Variants in IFT122 observed in about 807,000 individuals in gnomAD.
IFT122 encodes the protein intraflagellar transport 122.
A neutral mutation model predicts 161.6 loss-of-function variants in IFT122; 118 were observed. The observed-to-expected ratio is 0.73, with a 90% CI of 0.63 to 0.85. IFT122 has a LOEUF of 0.85. Ranked by LOEUF, IFT122 falls within the 40% of genes least tolerant of loss-of-function variation. The pLI is 0.00. For synonymous variants in IFT122, 550 were observed against 602.4 expected (o/e 0.91, Z 1.27); for missense variants, 1,381 against 1,579.6 (o/e 0.87, Z 2.13).
chr3:129,483,702 C>G lies in IFT122; in HGVS notation c.1851+20C>G, dbSNP rs959419287. ...CCGCAGGTAACTGGGGGTGCCTGTC[C>G]ACTCTTAGCACTGGCAAGGCTGACA... On this transcript the variant is annotated intron_variant, in intron 15 of 29. Coordinates refer to ENST00000348417, the MANE Select transcript of IFT122 (RefSeq NM_052989.3). The G allele has an allele frequency of 6.4e-7, 1 of 1,566,182 alleles. No homozygotes were observed. Among genetic ancestry groups the G allele is most frequent in the Non-Finnish European group, 8.7e-7 (1 of 1,154,500 alleles).
intron 1 of IFT122, among the ~76,000 whole-genome samples, chr3:129,448,905 G>T (rs1054051840): frequency 1.3e-5 from 2 of 151,986 alleles, no homozygotes; most frequent in African/African-American, 4.8e-5. Context: ...CACTATGTTG[G>T]CCAGGCTGGT....
intron 9 of IFT122, among the ~76,000 whole-genome samples, chr3:129,472,028 A>C (rs2077415590): frequency 6.7e-6 from 1 of 149,228 alleles, no homozygotes; most frequent in Non-Finnish European, 1.5e-5. Flanking sequence ...CCAAAGGCAC[A>C]CATTTAGTCT....
In IFT122 at chr3:129,451,961, CAA is replaced by C. The variant is rs770453499; in HGVS notation, c.158_159del (p.Lys53ArgfsTer21). 6.2e-7 allele frequency: 1 copy of C among 1,614,044 alleles called. No homozygotes were observed. The highest frequency in any genetic ancestry group is 1.3e-5 in the African/African-American group (1 of 75,030). Reference sequence around the variant, plus strand: ...CCTTACTTCAGCCCCTCAAGGGACACAAAGACACTGTGTACTGTGTGGCATAT... The same window carrying C: ...CCTTACTTCAGCCCCTCAAGGGACACAGACACTGTGTACTGTGTGGCATAT... ...GTLLQPLKGH[K>X]DTVYCVAYAK... is the part of the protein sequence containing the mutation. On this transcript the variant is annotated frameshift_variant, in exon 3 of 30. Coordinates refer to ENST00000348417, the MANE Select transcript of IFT122 (RefSeq NM_052989.3). LOFTEE classifies it high-confidence loss of function.
intron 16 of IFT122, 76 bp from the exon 17 acceptor site, chr3:129,492,065 C>A: frequency 3.6e-6 from 4 of 1,099,712 alleles, no homozygotes; most frequent in Non-Finnish European, 4.2e-6. Flanking sequence ...TAGAGCTTGA[C>A]TTCCCACCCC....
At position 129,517,600 on chromosome 3, in the gene IFT122, C is replaced by T. The variant is rs2084139065; in HGVS notation, c.3391+6C>T. On this transcript the variant is annotated splice_donor_region_variant and intron_variant, in intron 27 of 29. Transcript: ENST00000348417. ...GCTAGAGATTGCAAACAACAGTATC[C>T]ATGCCCTTGGCCAGAGCCTGTGTGT... is the stretch of plus-strand genomic sequence containing the variant. The T allele has an allele frequency of 6.2e-7, 1 of 1,612,564 alleles. No individual in the cohort carries two copies. Among genetic ancestry groups the T allele is most frequent in the Non-Finnish European group, 8.5e-7 (1 of 1,179,032 alleles).
intron 17 of IFT122, among the ~76,000 whole-genome samples, chr3:129,494,430 G>A (rs376558651): frequency 1.8e-4 from 28 of 152,230 alleles, no homozygotes; most frequent in East Asian, 1.4e-3. Flanking sequence ...TGAGCTGTGT[G>A]CAGGTTTTTA....
intron 6 of IFT122, among the ~76,000 whole-genome samples, chr3:129,463,984 T>A (rs2076447248): frequency 6.6e-6 from 1 of 152,216 alleles, no homozygotes; most frequent in South Asian, 2.1e-4. Flanking sequence ...GAATCCAGAA[T>A]CTCTCATTGA....
At position 129,475,343 on chromosome 3, in the gene IFT122, C is replaced by T. The variant is rs574428818; in HGVS notation, c.817-972C>T. ...GTAGCAGTTCCTAAAAAAGGTTCAA[C>T]GTAGAGTTTAAAAATAAAAAAATAT... On this transcript the variant is annotated intron_variant, in intron 9 of 29. Coordinates refer to ENST00000348417, the MANE Select transcript of IFT122 (RefSeq NM_052989.3). 2.0e-5 allele frequency among the ~76,000 whole-genome samples: 3 copies of T among 152,182 alleles called. No homozygotes were observed. In the East Asian group the frequency reaches 5.8e-4, roughly 29 times the overall value.
At chr3:129,466,246 G>A (rs2076759431) in intron 7 of IFT122, among the ~76,000 whole-genome samples, 1 of 152,124 alleles carries the variant, frequency 6.6e-6, no homozygotes, top group African/African-American at 2.4e-5. Context: ...TGATTTAGAA[G>A]GTTGTTTGGA....
At chr3:129,489,110 C>T (rs1190384248) in intron 16 of IFT122, among the ~76,000 whole-genome samples, 1 of 152,174 alleles carries the variant, frequency 6.6e-6, no homozygotes. Flanking sequence ...CCCTCTTTAT[C>T]TCCCCACAGT....
intron 1 of IFT122, among the ~76,000 whole-genome samples, chr3:129,448,979 A>G (rs1411691017): frequency 6.6e-6 from 1 of 152,204 alleles, no homozygotes; most frequent in Non-Finnish European, 1.5e-5. Flanking sequence ...GATTACAGGC[A>G]TGAGCCGCTG....
At chr3:129,507,813 G>A in intron 23 of IFT122, 51 bp downstream of exon 23, 1 of 1,363,790 alleles carries the variant, frequency 7.3e-7, no homozygotes, top group Non-Finnish European at 1.0e-6. Context: ...CTGAGCTAGG[G>A]GTCCCGGGCA....
intron 11 of IFT122, 37 bp from the exon 12 acceptor site, chr3:129,477,979 A>G: frequency 6.4e-7 from 1 of 1,568,220 alleles, no homozygotes. Flanking sequence ...TTACATAACA[A>G]CCTCTTGCTA....
At chr3:129,504,751 C>T (rs1215051122) in intron 21 of IFT122, among the ~76,000 whole-genome samples, 1 of 152,194 alleles carries the variant, frequency 6.6e-6, no homozygotes, top group Non-Finnish European at 1.5e-5. Context: ...GTATAGCTAC[C>T]ATCATTATGA....
intron 2 of IFT122, among the ~76,000 whole-genome samples, chr3:129,450,597 C>T (rs989870162): frequency 3.3e-5 from 5 of 152,018 alleles, no homozygotes; most frequent in African/African-American, 4.8e-5. Flanking sequence ...CTGCAGACTT[C>T]TCTCCAGTGT....
At chr3:129,476,174 A>G in intron 9 of IFT122, 141 bp from the exon 10 acceptor site, 1 of 843,568 alleles carries the variant, frequency 1.2e-6, no homozygotes, top group Non-Finnish European at 2.0e-6. Flanking sequence ...TCACCATGGG[A>G]TGACACAGGA....
chr3:129,475,633 CAG>C (rs1162937036), intron 9 of IFT122, among the ~76,000 whole-genome samples: 4 of 152,254 alleles, frequency 2.6e-5, no homozygotes, highest in African/African-American at 9.6e-5. Context: ...GCCTGGGCAA[CAG>C]AGTCAGACCC....
In IFT122 at chr3:129,475,638, T is replaced by A. The variant is rs572816712; in HGVS notation, c.817-677T>A. On this transcript the variant is annotated intron_variant, in intron 9 of 29. Transcript: ENST00000348417. ...CTGCACTCCAGCCTGGGCAACAGAG[T>A]CAGACCCTTTTTCAAAAAAAAAATT... is the stretch of plus-strand genomic sequence containing the variant. Among the ~76,000 whole-genome samples the A allele has an allele frequency of 9.9e-4, 151 of 151,906 alleles. 2 individuals are homozygous for A. Among genetic ancestry groups the A allele is most frequent in the African/African-American group, 3.4e-3 (141 of 41,416 alleles).
intron 1 of IFT122, among the ~76,000 whole-genome samples, chr3:129,442,506 T>C (rs1466449948): frequency 2.6e-5 from 4 of 151,270 alleles, no homozygotes; most frequent in Non-Finnish European, 5.9e-5. Flanking sequence ...AGGGGTTCTA[T>C]AGACCATCAA....
Sources: gnomAD v4.1 joint callset for allele counts (sites outside exome capture counted in the v4.1 genomes callset) on GRCh38, gnomAD v4.1.1 for gene constraint, MANE v1.5 for transcripts, NCBI Gene and HGNC (gene_info 2026-07-23, HGNC 2026-07-21) for gene names.